The following HSPA5 variants were observed in gnomAD, a reference collection of about 807,000 sequenced individuals.
HSPA5 encodes endoplasmic reticulum chaperone BiP.
In HSPA5, 16 loss-of-function variants were observed where a neutral mutation model predicts 49.5. The observed-to-expected ratio is 0.32, with a 90% CI of 0.22 to 0.49. The LOEUF (loss-of-function observed/expected upper bound fraction) is 0.49, where lower values mean the gene tolerates loss of function less well. Among genes scored for constraint, HSPA5 ranks in the 20% least tolerant of loss-of-function variants. The pLI is 0.99. For synonymous variants in HSPA5, 271 were observed against 307.2 expected, an observed-to-expected ratio of 0.88 and a Z score of 1.23; for missense variants, 376 against 819.0, an observed-to-expected ratio of 0.46 and a Z score of 6.60.
In HSPA5 at chr9:125,240,339, C is replaced by T. The variant is rs768152452; in HGVS notation, c.355-30G>A. 6 of 1,580,160 alleles carry T rather than the reference C, an allele frequency of 3.8e-6. No individual in the cohort carries two copies. The highest frequency in any genetic ancestry group is 5.2e-6 in the Non-Finnish European group (6 of 1,159,362). ...TTTAAAGAATTATTGTTTTCAGACA[C>T]AGATACAATGACATCTCAAAGTTTA... On this transcript the variant is annotated intron_variant, in intron 2 of 7. Transcript: ENST00000324460. The surrounding 1 kb of genome is among the most constrained non-coding windows in gnomAD (Gnocchi z 4.4).
Position 125,239,371 on chromosome 9 carries a change from A to G in HSPA5, c.606-40T>C. On this transcript the variant is annotated intron_variant, in intron 4 of 7. Transcript: ENST00000324460. This position sits in a 1 kb window ranked among gnomAD's most constrained non-coding sequence, Gnocchi z 5.5. ...AAGGGAAAAGTTTTGTCAGTACTTC[A>G]CATTTCCACTATTTGGCAAATATGC... The G allele has an allele frequency of 6.2e-7, 1 of 1,613,632 alleles. No homozygotes were observed. Among genetic ancestry groups the G allele is most frequent in the South Asian group, 1.1e-5 (1 of 91,086 alleles).
Position 125,239,276 on chromosome 9 carries a change from G to A in HSPA5, c.661C>T (p.Leu221=). 1 of 1,614,072 alleles carries A rather than the reference G, an allele frequency of 6.2e-7. No individual in the cohort carries two copies. Among genetic ancestry groups the A allele is most frequent in the Non-Finnish European group, 8.5e-7 (1 of 1,179,960 alleles). The change falls in exon 5 of 8, where the codon CTG becomes TTG. Residue 221 remains leucine, a synonymous_variant. Transcript: ENST00000324460. This position sits in a 1 kb window ranked among gnomAD's most constrained non-coding sequence, Gnocchi z 5.5. ...LDKREGEKNI[L]VFDLGGGTFD... ...GTTCCGCCACCCAGGTCAAACACCA[G>A]GATGTTCTTCTCCCCCTCCCTCTTA...
In HSPA5 at chr9:125,240,117, C is replaced by T; in HGVS notation, c.492+55G>A. 1 of 1,445,800 alleles carries T rather than the reference C, an allele frequency of 6.9e-7. No individual in the cohort carries two copies. Among genetic ancestry groups the T allele is most frequent in the Non-Finnish European group, 9.5e-7 (1 of 1,057,390 alleles). 89.6% of individuals were successfully genotyped at this position (1,445,800 alleles called of 1,614,324 possible). A position where few individuals can be genotyped will look rare whatever the true frequency, so the allele number is the denominator to read the frequency against. ...CACGAAGGCTTCTATACATAACAGCCAACCGAGAATACTAATGATCAAAAA... is the reference window on the plus strand; with the variant it reads ...CACGAAGGCTTCTATACATAACAGCTAACCGAGAATACTAATGATCAAAAA... On this transcript the variant is annotated intron_variant, in intron 3 of 7. Coordinates refer to ENST00000324460, the MANE Select transcript of HSPA5 (RefSeq NM_005347.5). This position sits in a 1 kb window ranked among gnomAD's most constrained non-coding sequence, Gnocchi z 4.4.
rs750811646 is a variant in HSPA5 at position 125,241,048 on chromosome 9, C to T, written c.79G>A (p.Val27Met). 2 of 1,614,024 alleles carry T rather than the reference C, an allele frequency of 1.2e-6. No homozygotes were observed. Among genetic ancestry groups the T allele is most frequent in the South Asian group, 1.1e-5 (1 of 91,074 alleles). ...RAEEEDKKED[V>M]GTVVGIDLGT... ...AGGTCGATGCCGACCACCGTGCCCA[C>T]GTCCTCCTTCTTGTCCTCCTCCTCG... Residue 27 changes from valine to methionine, a missense_variant, in exon 1 of 8, where the codon GTG becomes ATG. By Grantham distance (21) the Val-to-Met change is conservative. This residue lies in a region of HSPA5 where 29 missense variants were observed against 38.7 expected (regional missense o/e 0.75). Transcript: ENST00000324460.
At chr9:125,237,207 C>T (rs1832508934) in intron 7 of HSPA5, 53 bp from the exon 8 acceptor site, 2 of 1,271,462 alleles carry the variant, frequency 1.6e-6, no homozygotes, top group Non-Finnish European at 2.2e-6. Context: ...AGCATTAGCA[C>T]ATCTAGATCC....
rs1832468297 is a variant in HSPA5 at position 125,235,047 on chromosome 9, G to C, written c.*1545C>G. Reference sequence around the variant, plus strand: ...CTGTATTGGGCTTGGCCTGAGACCAGTATTCTGCTCAGGGTCTGCCCAAAT... The same window carrying C: ...CTGTATTGGGCTTGGCCTGAGACCACTATTCTGCTCAGGGTCTGCCCAAAT... On this transcript the variant is annotated 3_prime_UTR_variant, in exon 8 of 8. Coordinates refer to ENST00000324460, the MANE Select transcript of HSPA5 (RefSeq NM_005347.5). 6.6e-6 allele frequency: 1 copy of C among 152,126 alleles called. No individual in the cohort carries two copies. The highest frequency in any genetic ancestry group is 1.5e-5 in the Non-Finnish European group (1 of 68,034). 9.4% of individuals were successfully genotyped at this position (152,126 alleles called of 1,614,324 possible). A position where few individuals can be genotyped will look rare whatever the true frequency, so the allele number is the denominator to read the frequency against.
In HSPA5 at chr9:125,237,060, G is replaced by A; in HGVS notation, c.1497C>T (p.Val499=). 6.2e-7 allele frequency: 1 copy of A among 1,613,490 alleles called. No homozygotes were observed. Among genetic ancestry groups the A allele is most frequent in the Non-Finnish European group, 8.5e-7 (1 of 1,179,450 alleles). The change falls in exon 8 of 8, where the codon GTC becomes GTT. Residue 499 remains valine (V), a synonymous_variant. Coordinates refer to ENST00000324460, the MANE Select transcript of HSPA5 (RefSeq NM_005347.5). ...TACCATTCACATCTATCTCAAAGGTGACTTCAATCTGTGGGACCCCACGAG... is the reference window on the plus strand; with the variant it reads ...TACCATTCACATCTATCTCAAAGGTAACTTCAATCTGTGGGACCCCACGAG... The part of the protein sequence containing the change: ...PAPRGVPQIE[V]TFEIDVNGIL...
At position 125,236,372 on chromosome 9, in the gene HSPA5, C is replaced by T. The variant is rs8759; in HGVS notation, c.*220G>A. ...CACACCCTAACCCAGGTTTTTTACC[C>T]GCTTTTTAAGATGGCCAATTCTTCT... On this transcript the variant is annotated 3_prime_UTR_variant, in exon 8 of 8. Coordinates refer to ENST00000324460, the MANE Select transcript of HSPA5 (RefSeq NM_005347.5). 0.017 allele frequency: 8,040 copies of T among 478,010 alleles called. 92 individuals carry two copies. The highest frequency in any genetic ancestry group is 0.023 in the Non-Finnish European group (6,173 of 273,194). 29.6% of individuals were successfully genotyped at this position (478,010 alleles called of 1,614,324 possible). A position where few individuals can be genotyped will look rare whatever the true frequency, so the allele number is the denominator to read the frequency against.
rs367563655 is a variant in HSPA5 at position 125,239,578 on chromosome 9, C to A, written c.493-45G>T. 2.6e-5 allele frequency: 39 copies of A among 1,477,790 alleles called. No individual in the cohort carries two copies. The highest frequency in any genetic ancestry group is 1.8e-4 in the Middle Eastern group (1 of 5,660). 91.5% of individuals were successfully genotyped at this position (1,477,790 alleles called of 1,614,324 possible). ...TTAAGTGTATTGTCACATAGTTTAA[C>A]CCTTATTTAAATTACAGTCTGGCCA... On this transcript the variant is annotated intron_variant, in intron 3 of 7. Coordinates refer to ENST00000324460, the MANE Select transcript of HSPA5 (RefSeq NM_005347.5). This position sits in a 1 kb window ranked among gnomAD's most constrained non-coding sequence, Gnocchi z 5.5.
Position 125,238,351 on chromosome 9 carries a change from A to G in HSPA5, c.1235-43T>C, listed in dbSNP as rs770778110. 7.2e-6 allele frequency: 11 copies of G among 1,537,256 alleles called. No homozygotes were observed. The Admixed American group carries it at 1.4e-4, about 19-fold the overall frequency. ...TTAACTTTTAATTCAAGTTCTCCCT[A>G]TGAGCTATGTAAAGTTTATCTCTCT... On this transcript the variant is annotated intron_variant, in intron 6 of 7. Coordinates refer to ENST00000324460, the MANE Select transcript of HSPA5 (RefSeq NM_005347.5).
In HSPA5 at chr9:125,236,597, A is replaced by G. The variant is rs1288921944; in HGVS notation, c.1960T>C (p.Leu654=). 6.3e-7 allele frequency: 1 copy of G among 1,588,088 alleles called. No individual in the cohort carries two copies. Among genetic ancestry groups the G allele is most frequent in the African/African-American group, 1.4e-5 (1 of 73,458 alleles). The change falls in exon 8 of 8, where the codon TTG becomes CTG. Residue 654 remains leucine (L), a synonymous_variant. Coordinates refer to ENST00000324460, the MANE Select transcript of HSPA5 (RefSeq NM_005347.5). ...CAGCACTAGCAGATCAGTGTCTACA[A>G]CTCATCTTTTTCTGCTGTATCCTCT... The part of the protein sequence containing the change: ...GEEDTAEKDE[L]
In HSPA5 at chr9:125,236,385, G is replaced by A. The variant is rs1832495044; in HGVS notation, c.*207C>T. On this transcript the variant is annotated 3_prime_UTR_variant, in exon 8 of 8. Transcript: ENST00000324460. ...AGGTTTTTTACCCGCTTTTTAAGAT[G>A]GCCAATTCTTCTTCTCCCCCCCACC... The A allele has an allele frequency of 4.2e-6, 2 of 481,748 alleles. No individual in the cohort carries two copies. Among genetic ancestry groups the A allele is most frequent in the Admixed American group, 7.7e-5 (2 of 26,064 alleles). 29.8% of individuals were successfully genotyped at this position (481,748 alleles called of 1,614,324 possible).
rs2131450941 is a variant in HSPA5, at chr9:125,234,920, G to C, written c.*1672C>G. 1 of 152,202 alleles carries C rather than the reference G, an allele frequency of 6.6e-6. No homozygotes were observed. Among genetic ancestry groups the C allele is most frequent in the East Asian group, 1.9e-4 (1 of 5,186 alleles). The allele number at this position is 152,202 out of a possible 1,614,324, so 9.4% of individuals were successfully genotyped here. ...AGAGTTACAGACTAGGTGGTCCACG[G>C]TAGTGAGAGCCTTTGAGGTAAGGGA... is the stretch of plus-strand genomic sequence containing the variant. On this transcript the variant is annotated 3_prime_UTR_variant, in exon 8 of 8. Coordinates refer to ENST00000324460, the MANE Select transcript of HSPA5 (RefSeq NM_005347.5).
rs1832539447 is a variant in HSPA5, at chr9:125,239,667, G to A, written c.493-134C>T. 1 of 667,204 alleles carries A rather than the reference G, an allele frequency of 1.5e-6. No individual in the cohort carries two copies. The highest frequency in any genetic ancestry group is 2.6e-6 in the Non-Finnish European group (1 of 382,666). 41.3% of individuals were successfully genotyped at this position (667,204 alleles called of 1,614,324 possible). On this transcript the variant is annotated intron_variant, in intron 3 of 7. Transcript: ENST00000324460. This position sits in a 1 kb window ranked among gnomAD's most constrained non-coding sequence, Gnocchi z 5.5. The stretch of plus-strand genomic sequence containing the variant: ...GCTGAGGCAGGAGGATCACCTGAGG[G>A]CAGGATTTCAAGACCAGCCTGGGCA...
rs747569836 is a variant in HSPA5, at chr9:125,238,326, T to G, written c.1235-18A>C. ...CAGGTCACCTGTAAGGATAAGTTATTTAACTTTTAATTCAAGTTCTCCCTA... is the reference window on the plus strand; with the variant it reads ...CAGGTCACCTGTAAGGATAAGTTATGTAACTTTTAATTCAAGTTCTCCCTA... On this transcript the variant is annotated intron_variant, in intron 6 of 7. Transcript: ENST00000324460. The G allele has an allele frequency of 6.2e-7, 1 of 1,607,214 alleles. No homozygotes were observed. Among genetic ancestry groups the G allele is most frequent in the South Asian group, 1.1e-5 (1 of 90,636 alleles).
chr9:125,240,888 C>T lies in HSPA5; in HGVS notation c.142G>A (p.Gly48Ser), dbSNP rs1832556277. The change falls in exon 2 of 8, where the codon GGC (glycine) becomes AGC (serine). Residue 48 changes from glycine to serine, a missense_variant. Gly to Ser is a moderately conservative substitution (Grantham distance 56). Coordinates refer to ENST00000324460, the MANE Select transcript of HSPA5 (RefSeq NM_005347.5). This position sits in a 1 kb window ranked among gnomAD's most constrained non-coding sequence, Gnocchi z 4.4. ...TYSCVGVFKN[G>S]RVEIIANDQG... ...TCGTTGGCGATGATCTCCACGCGGCCGTTCTTGAACACGCCGACGCTGGCA... is the reference window on the plus strand; with the variant it reads ...TCGTTGGCGATGATCTCCACGCGGCTGTTCTTGAACACGCCGACGCTGGCA... 6.2e-7 allele frequency: 1 copy of T among 1,614,016 alleles called. No homozygotes were observed. Among genetic ancestry groups the T allele is most frequent in the African/African-American group, 1.3e-5 (1 of 74,944 alleles).
chr9:125,241,190 C>CAA lies in HSPA5; in HGVS notation c.-66_-65dup. 1 of 1,543,176 alleles carries CAA rather than the reference C, an allele frequency of 6.5e-7. No individual in the cohort carries two copies. Among genetic ancestry groups the CAA allele is most frequent in the Non-Finnish European group, 8.7e-7 (1 of 1,147,432 alleles). The stretch of plus-strand genomic sequence containing the variant: ...CAGGCCGTAGCACAGGAGCACAGCG[C>CAA]AATTTCCGACTTGCAGGCGGCAGGG... On this transcript the variant is annotated 5_prime_UTR_variant, in exon 1 of 8. Transcript: ENST00000324460.
chr9:125,238,816 C>G lies in HSPA5; in HGVS notation c.1008G>C (p.Arg336=), dbSNP rs1207855263. ...KFEELNMDLF[R]STMKPVQKVL... is the part of the protein sequence containing the mutation. ...CTTTCTGGACGGGCTTCATAGTAGA[C>G]CGGAACAGATCCTAGAAAAAAGACA... Residue 336 remains arginine (R), a synonymous_variant, in exon 6 of 8, where the codon CGG becomes CGC. Coordinates refer to ENST00000324460, the MANE Select transcript of HSPA5 (RefSeq NM_005347.5). The G allele has an allele frequency of 6.2e-7, 1 of 1,614,040 alleles. No individual in the cohort carries two copies. The highest frequency in any genetic ancestry group is 1.7e-5 in the Admixed American group (1 of 60,002).
Position 125,236,545 on chromosome 9 carries a change from T to C in HSPA5, c.*47A>G, listed in dbSNP as rs1832497877. On this transcript the variant is annotated 3_prime_UTR_variant, in exon 8 of 8. Transcript: ENST00000324460. ...TCTTTCAATTTTTTCCTAACAAAAG[T>C]TCCTGAGTCCAGTATTTACAATATT... 7.4e-7 allele frequency: 1 copy of C among 1,351,414 alleles called. No homozygotes were observed. The allele number at this position is 1,351,414 out of a possible 1,614,324, so 83.7% of individuals were successfully genotyped here.
Sources: allele counts gnomAD v4.1 joint callset, GRCh38; gene constraint gnomAD v4.1.1; regional missense constraint gnomAD v4.1.1; non-coding constraint Gnocchi (gnomAD v3.1); transcripts MANE v1.5; gene names NCBI Gene and HGNC (gene_info 2026-07-23, HGNC 2026-07-21).